The following ZFHX3 variants were observed in gnomAD, a reference collection of about 807,000 sequenced individuals.
The protein encoded by ZFHX3 is zinc finger homeobox 3, also known as zinc finger homeobox protein 3.
ZFHX3 carries 42 observed loss-of-function variants against 279.1 expected under a neutral mutation model. That is an observed-to-expected ratio of 0.15 (90% confidence interval 0.12 to 0.19). The LOEUF is 0.19. ZFHX3 is among the 10% of genes least tolerant of loss of function. The pLI, the probability that ZFHX3 is intolerant of heterozygous loss-of-function variation, is 1.00. For synonymous variants in ZFHX3, 2,293 were observed against 1,957.8 expected (o/e 1.17, Z -4.52); for missense variants, 4,981 against 4,754.0 (o/e 1.05, Z -1.40).
intron 5 of ZFHX3, among the ~76,000 whole-genome samples, chr16:73,248,617 T>C (rs2013380115): frequency 6.6e-6 from 1 of 151,500 alleles, no homozygotes; most frequent in Non-Finnish European, 1.5e-5. Flanking sequence ...TGTGTCTGTG[T>C]GTCTACGTGC....
chr16:73,792,861 C>CT (rs1567412284), intron 1 of ZFHX3, among the ~76,000 whole-genome samples: 1 of 146,362 alleles, frequency 6.8e-6, no homozygotes, highest in African/African-American at 2.6e-5. Context: ...AGTGCACCCC[C>CT]CCCCTCCCCT....
At position 73,418,512 on chromosome 16, in the gene ZFHX3, C is replaced by A. The variant is rs138059681; in HGVS notation, c.-1291+37491G>T. ...TATGTTTCTGACAATGAAATGTGTT[C>A]TTGGAAATGTCCCCTTCATTTATAG... is the stretch of plus-strand genomic sequence containing the variant. On this transcript the variant is annotated intron_variant, in intron 3 of 17. Coordinates refer to the ZFHX3 transcript ENST00000641206. Among the ~76,000 whole-genome samples, 319 of 152,358 alleles carry A rather than the reference C, an allele frequency of 2.1e-3. 3 individuals are homozygous for A. The highest frequency in any genetic ancestry group is 3.6e-3 in the Non-Finnish European group (245 of 68,032).
intron 2 of ZFHX3, chr16:73,486,699 T>G: frequency 2.3e-6 from 1 of 434,144 alleles, no homozygotes; most frequent in Non-Finnish European, 4.6e-6. Flanking sequence ...CCCAGGACTT[T>G]CCTGGTTTCC....
At chr16:73,442,575 A>G (rs2018113518) in intron 3 of ZFHX3, among the ~76,000 whole-genome samples, 1 of 152,204 alleles carries the variant, frequency 6.6e-6, no homozygotes, top group Non-Finnish European at 1.5e-5. Flanking sequence ...TTATAATAGA[A>G]AAGTGGAAAA....
chr16:73,718,647 GCT>G (rs1360087051), intron 1 of ZFHX3, among the ~76,000 whole-genome samples: 3 of 148,508 alleles, frequency 2.0e-5, no homozygotes, highest in Non-Finnish European at 4.5e-5. Flanking sequence ...ACAGAGTCTC[GCT>G]CTGTCACCCA....
chr16:73,202,667 G>T (rs1028431949), intron 5 of ZFHX3, among the ~76,000 whole-genome samples: 7 of 152,238 alleles, frequency 4.6e-5, no homozygotes, highest in Middle Eastern at 3.4e-3. Context: ...TCACCTCTCT[G>T]CTACCCTCTG....
At chr16:73,563,150 T>C (rs2020396101) in intron 2 of ZFHX3, among the ~76,000 whole-genome samples, 1 of 148,998 alleles carries the variant, frequency 6.7e-6, no homozygotes, top group African/African-American at 2.5e-5. Context: ...GTGCAGTCTT[T>C]TTTTGTTTTT....
At chr16:73,335,185 C>A (rs2015888570) in intron 3 of ZFHX3, among the ~76,000 whole-genome samples, 1 of 152,044 alleles carries the variant, frequency 6.6e-6, no homozygotes, top group South Asian at 2.1e-4. Flanking sequence ...GAAGTGATAG[C>A]TATAATAATA....
chr16:72,787,419 T>C lies in ZFHX3; in HGVS notation c.10857A>G (p.Gln3619=). Residue 3619 remains glutamine (Q), a synonymous_variant, in exon 10 of 10, where the codon CAA becomes CAG. Transcript: ENST00000268489. ...SPHASRKSWP[Q]VVSRASAAKP... ...TCGCTGCCGAAGCCCGGGAGACCAC[T>C]TGCGGCCAAGACTTCCTGGAGGCGT... The C allele has an allele frequency of 6.3e-7, 1 of 1,590,076 alleles. No individual in the cohort carries two copies. Among genetic ancestry groups the C allele is most frequent in the Non-Finnish European group, 8.6e-7 (1 of 1,165,710 alleles).
At chr16:73,485,385 G>T (rs1216380495) in intron 2 of ZFHX3, among the ~76,000 whole-genome samples, 1 of 143,640 alleles carries the variant, frequency 7.0e-6, no homozygotes, top group African/African-American at 2.6e-5. Flanking sequence ...TACAGTCCAG[G>T]TTTCAAGTCT....
Position 72,787,593 on chromosome 16 carries a change from T to A in ZFHX3, c.10683A>T (p.Ala3561=). The A allele has an allele frequency of 6.2e-7, 1 of 1,613,934 alleles. No homozygotes were observed. The highest frequency in any genetic ancestry group is 1.1e-5 in the South Asian group (1 of 91,074). The change falls in exon 10 of 10, where the codon GCA becomes GCT. Residue 3561 remains alanine (A), a synonymous_variant. Transcript: ENST00000268489. ...ALHKHRTITR[A]ARNAKEHPSL... ...TAGGGTGCTCTTTGGCGTTTCTTGC[T>A]GCTCTCGTGATTGTTCTGTGTTTGT...
rs764687875 is a variant in ZFHX3 at position 72,958,993 on chromosome 16, C to G, written c.1153G>C (p.Ala385Pro). The G allele has an allele frequency of 6.2e-7, 1 of 1,606,674 alleles. No individual in the cohort carries two copies. The highest frequency in any genetic ancestry group is 1.3e-5 in the African/African-American group (1 of 74,612). ...CCAGCCTGGGGCTGCTCGGGGCCAGCGGCGGAGCCCGCTGGGAGAGCTTCC... is the reference window on the plus strand; with the variant it reads ...CCAGCCTGGGGCTGCTCGGGGCCAGGGGCGGAGCCCGCTGGGAGAGCTTCC... ...GEEALPAGSA[A>P]GPEQPQAGLL... Residue 385 changes from alanine (A) to proline (P), a missense_variant, in exon 2 of 10, where the codon GCT (alanine) becomes CCT (proline). Ala to Pro is a conservative substitution (Grantham distance 27). Coordinates refer to ENST00000268489, the MANE Select transcript of ZFHX3 (RefSeq NM_006885.4).
chr16:73,701,624 T>C (rs926348663), intron 1 of ZFHX3, among the ~76,000 whole-genome samples: 5 of 152,190 alleles, frequency 3.3e-5, no homozygotes, highest in Admixed American at 1.3e-4. Context: ...AAATTTTTCA[T>C]TGAGAAAACG....
rs1044675657 is a variant in ZFHX3, at chr16:72,903,029, G to A, written c.3217-13067C>T. On this transcript the variant is annotated intron_variant, in intron 3 of 9. Transcript: ENST00000268489. ...TCTTGAATGCAACTGCACCCAGCCC[G>A]GTACTGCAGGAGTCTGAATTCTCAC... 6.6e-5 allele frequency among the ~76,000 whole-genome samples: 10 copies of A among 152,082 alleles called. 1 individual carries two copies. The highest frequency in any genetic ancestry group is 3.9e-4 in the Admixed American group (6 of 15,282).
intron 7 of ZFHX3, among the ~76,000 whole-genome samples, chr16:72,810,101 G>T (rs1200330063): frequency 1.3e-5 from 2 of 152,068 alleles, no homozygotes; most frequent in East Asian, 3.9e-4. Context: ...AGCCAGGATG[G>T]TCTCGATCTC....
At chr16:73,886,375 T>G (rs1278468008) in intron 1 of ZFHX3, among the ~76,000 whole-genome samples, 1 of 152,060 alleles carries the variant, frequency 6.6e-6, no homozygotes, top group African/African-American at 2.4e-5. Context: ...AAGCTTACAT[T>G]TGAAAGAAAG....
At chr16:73,886,735 A>G (rs2030358378) in intron 1 of ZFHX3, among the ~76,000 whole-genome samples, 1 of 152,206 alleles carries the variant, frequency 6.6e-6, no homozygotes. Flanking sequence ...AGCCACACAA[A>G]ATAAAACAAG....
At chr16:73,101,107 CCTT>C (rs139057405) in intron 7 of ZFHX3, among the ~76,000 whole-genome samples, 2,172 of 152,224 alleles carry the variant, frequency 0.014, 57 homozygotes, top group African/African-American at 0.049. Context: ...GTCCCGCTTG[CCTT>C]CTTCTTGGAC....
At chr16:73,447,765 C>G (rs1380452255) in intron 3 of ZFHX3, among the ~76,000 whole-genome samples, 1 of 152,134 alleles carries the variant, frequency 6.6e-6, no homozygotes, top group Non-Finnish European at 1.5e-5. Flanking sequence ...TCTGTTAGTA[C>G]AGAGGTCTAC....
Sources: gnomAD v4.1 joint callset for allele counts (sites outside exome capture counted in the v4.1 genomes callset) on GRCh38, gnomAD v4.1.1 for gene constraint, MANE v1.5 for transcripts, NCBI Gene and HGNC (gene_info 2026-07-23, HGNC 2026-07-21) for gene names.